Variants in OTOGL observed in about 807,000 individuals in gnomAD.
The protein encoded by OTOGL is otogelin-like protein.
Under a neutral mutation model 318.5 loss-of-function variants are expected in OTOGL, and 285 were observed. The ratio of observed to expected loss-of-function variants is 0.89; its 90% CI spans 0.81 to 0.99. OTOGL has a LOEUF of 0.99. Ranked by LOEUF, OTOGL falls within the 50% of genes least tolerant of loss-of-function variation. The probability of loss-of-function intolerance (pLI) is 0.00; values close to 1 mark genes in which losing one functional copy is unlikely to be tolerated. For synonymous variants in OTOGL, 987 were observed against 936.5 expected, an observed-to-expected ratio of 1.05 and a Z score of -0.99; for missense variants, 2,899 against 2,845.6, an observed-to-expected ratio of 1.02 and a Z score of -0.43.
At chr12:80,212,116 G>A (rs1404987216) in intron 4 of OTOGL, 119 bp downstream of exon 4, 2 of 998,776 alleles carry the variant, frequency 2.0e-6, no homozygotes, top group South Asian at 1.7e-5. Flanking sequence ...GAACAAGACA[G>A]GAAGGAGGAG....
intron 1 of OTOGL, among the ~76,000 whole-genome samples, chr12:80,166,518 C>G (rs1369255746): frequency 1.3e-5 from 2 of 152,070 alleles, no homozygotes; most frequent in African/African-American, 2.4e-5. Flanking sequence ...AATGTCTATT[C>G]TATTTGGCCT....
intron 1 of OTOGL, among the ~76,000 whole-genome samples, chr12:80,135,261 TCCCCTCCCCTCCCCTC>T (rs1592482111): frequency 7.0e-4 from 19 of 27,058 alleles, no homozygotes; most frequent in East Asian, 2.9e-3. Context: ...TCCCCTCCCC[TCCCCTCCCCTCCCCTC>T]CCCTTCCCTT....
chr12:80,304,592 T>G (rs141869641), intron 28 of OTOGL, among the ~76,000 whole-genome samples: 1 of 152,300 alleles, frequency 6.6e-6, no homozygotes, highest in East Asian at 1.9e-4. Context: ...AGTCTTTCAG[T>G]CTTAAGGAGG....
chr12:80,103,341 G>A (rs751437903), intron 1 of OTOGL: 184 of 1,443,048 alleles, frequency 1.3e-4, no homozygotes, highest in Non-Finnish European at 1.6e-4. Context: ...CATTTTGGCC[G>A]CTCCCGCTTC....
chr12:80,187,923 C>T (rs374134221), intron 1 of OTOGL, among the ~76,000 whole-genome samples: 3 of 152,164 alleles, frequency 2.0e-5, no homozygotes, highest in African/African-American at 2.4e-5. Flanking sequence ...GCTGCCCCTT[C>T]GTTTTTGAAA....
At position 80,336,933 on chromosome 12, in the gene OTOGL, G is replaced by T; in HGVS notation, c.4789G>T (p.Gly1597Ter). ...TAAGGCTCCCTCTGGAAGAATCTCT[G>T]GACTTTGTTTTAAGAAGTTAAATGT... ...KKLAPSGRIS[G>*]LCFKKLNVTT... Residue 1597 changes from glycine to a stop codon, truncating the protein, a stop_gained, in exon 42 of 59, where the codon GGA (glycine) becomes TGA (stop). Coordinates refer to ENST00000547103, the MANE Select transcript of OTOGL (RefSeq NM_001378609.3). LOFTEE classifies it high-confidence loss of function. The T allele has an allele frequency of 6.3e-7, 1 of 1,591,174 alleles. No individual in the cohort carries two copies. Among genetic ancestry groups the T allele is most frequent in the Non-Finnish European group, 8.6e-7 (1 of 1,167,550 alleles).
intron 1 of OTOGL, among the ~76,000 whole-genome samples, chr12:80,121,684 T>A (rs990916580): frequency 2.1e-4 from 32 of 152,216 alleles, no homozygotes; most frequent in Admixed American, 1.8e-3. Flanking sequence ...CTTCGTATCA[T>A]GTAGATTGTC....
chr12:80,334,538 C>T (rs1287022851), intron 38 of OTOGL, among the ~76,000 whole-genome samples: 1 of 151,870 alleles, frequency 6.6e-6, no homozygotes, highest in East Asian at 1.9e-4. Flanking sequence ...GGAGTGAGTA[C>T]AGATAGAGAA....
At chr12:80,281,513 G>A (rs930161840) in intron 26 of OTOGL, among the ~76,000 whole-genome samples, 4 of 151,818 alleles carry the variant, frequency 2.6e-5, no homozygotes, top group African/African-American at 9.7e-5. Context: ...ATTTGTGTAT[G>A]TTGCACCAAA....
chr12:80,330,226 A>G (rs952454015), intron 37 of OTOGL, among the ~76,000 whole-genome samples: 1 of 152,220 alleles, frequency 6.6e-6, no homozygotes, highest in Non-Finnish European at 1.5e-5. Context: ...TAGCTTCACT[A>G]AAACCATCAC....
intron 6 of OTOGL, among the ~76,000 whole-genome samples, chr12:80,221,608 C>A (rs1878345888): frequency 6.6e-6 from 1 of 152,038 alleles, no homozygotes; most frequent in Non-Finnish European, 1.5e-5. Flanking sequence ...TCCCCACATC[C>A]AGGTCCCAGA....
At chr12:80,332,072 G>C (rs920215673) in intron 37 of OTOGL, among the ~76,000 whole-genome samples, 2 of 152,112 alleles carry the variant, frequency 1.3e-5, no homozygotes, top group African/African-American at 2.4e-5. Flanking sequence ...CTCCCTTAGA[G>C]CCTCCAGAAG....
rs2137897094 is a variant in OTOGL at position 80,333,092 on chromosome 12, A to G, written c.4422+14A>G. The stretch of plus-strand genomic sequence containing the variant: ...TTGGAATGTGAGGTATGACTGAGCA[A>G]TATCTTCCAGCTCTTTGTCATTTCC... On this transcript the variant is annotated intron_variant, in intron 38 of 58. Coordinates refer to ENST00000547103, the MANE Select transcript of OTOGL (RefSeq NM_001378609.3). 6.4e-7 allele frequency: 1 copy of G among 1,568,288 alleles called. No individual in the cohort carries two copies. Among genetic ancestry groups the G allele is most frequent in the East Asian group, 2.3e-5 (1 of 44,130 alleles).
At chr12:80,337,061 C>A in intron 42 of OTOGL, 57 bp downstream of exon 42, 1 of 1,268,064 alleles carries the variant, frequency 7.9e-7, no homozygotes, top group Non-Finnish European at 1.1e-6. Context: ...ATTATACAAA[C>A]AGTTATTTCC....
At chr12:80,157,799 T>TA (rs935717584) in intron 1 of OTOGL, among the ~76,000 whole-genome samples, 3 of 151,700 alleles carry the variant, frequency 2.0e-5, no homozygotes, top group Non-Finnish European at 3.0e-5. Context: ...CTGTGTATCA[T>TA]AAGGGTGACA....
intron 44 of OTOGL, among the ~76,000 whole-genome samples, chr12:80,344,208 AC>A (rs1361627276): frequency 6.6e-6 from 1 of 152,152 alleles, no homozygotes; most frequent in Non-Finnish European, 1.5e-5. Flanking sequence ...ATTCAGTACC[AC>A]TTTAGTCTGT....
Position 80,262,087 on chromosome 12 carries a change from C to T in OTOGL, c.2008C>T (p.Gln670Ter), listed in dbSNP as rs1207824726. 2 of 1,605,434 alleles carry T rather than the reference C, an allele frequency of 1.2e-6. No individual in the cohort carries two copies. Among genetic ancestry groups the T allele is most frequent in the South Asian group, 1.1e-5 (1 of 89,272 alleles). ...PVVDPCNINQ[Q>*]NIGYAAHCDV... ...GGTGGACCCCTGTAACATCAATCAA[C>T]AAAACAGTAAGTTTTGCATGTAAAC... is the stretch of plus-strand genomic sequence containing the variant. The change falls in exon 19 of 59, where the codon CAA (glutamine) becomes TAA (stop). Residue 670 changes from glutamine (Q) to a stop codon, truncating the protein, a stop_gained. Transcript: ENST00000547103. LOFTEE classifies it high-confidence loss of function.
chr12:80,173,528 G>A (rs1013582696), intron 1 of OTOGL, among the ~76,000 whole-genome samples: 5 of 152,110 alleles, frequency 3.3e-5, no homozygotes, highest in Non-Finnish European at 4.4e-5. Context: ...CACTTTCATC[G>A]CCATCTTGGT....
chr12:80,340,489 A>G (rs997300705), intron 43 of OTOGL, among the ~76,000 whole-genome samples: 7 of 152,064 alleles, frequency 4.6e-5, no homozygotes, highest in Admixed American at 2.0e-4. Context: ...TTTGAAGGGT[A>G]TTATTTCAGT....
Sources: allele counts gnomAD v4.1 joint callset (sites outside exome capture counted in the v4.1 genomes callset), GRCh38; gene constraint gnomAD v4.1.1; transcripts MANE v1.5; gene names NCBI Gene and HGNC (gene_info 2026-07-23, HGNC 2026-07-21).